Variants in ING1 observed in about 807,000 individuals in gnomAD.
The protein encoded by ING1 is inhibitor of growth protein 1.
A neutral mutation model predicts 23.1 loss-of-function variants in ING1; 4 were observed. The observed-to-expected ratio is 0.17, with a 90% CI of 0.09 to 0.40. ING1 has a LOEUF of 0.40. Ranked by LOEUF, ING1 falls within the 10% of genes least tolerant of loss-of-function variation. The pLI is 1.00. For missense variants in ING1, 256 were observed against 393.8 expected, an observed-to-expected ratio of 0.65 and a Z score of 2.96; for synonymous variants, 179 against 166.4, an observed-to-expected ratio of 1.08 and a Z score of -0.58.
chr13:110,720,004 G>C lies in ING1; in HGVS notation c.*72G>C, dbSNP rs2064158921. 1 of 1,059,526 alleles carries C rather than the reference G, an allele frequency of 9.4e-7. No homozygotes were observed. The highest frequency in any genetic ancestry group is 1.4e-6 in the Non-Finnish European group (1 of 740,230). The allele number at this position is 1,059,526 out of a possible 1,614,324, so 65.6% of individuals were successfully genotyped here. ...TTTATTACATTGCTGCCTTTGTTGA[G>C]GTGCAAGGAGTGTAAAATGTATATT... On this transcript the variant is annotated 3_prime_UTR_variant, in exon 2 of 2. Transcript: ENST00000333219.
Position 110,719,957 on chromosome 13 carries a change from G to A in ING1, c.*25G>A. 3 of 1,528,354 alleles carry A rather than the reference G, an allele frequency of 2.0e-6. No homozygotes were observed. The South Asian group carries it at 3.6e-5, about 18-fold the overall frequency. 94.7% of individuals were successfully genotyped at this position (1,528,354 alleles called of 1,614,324 possible). ...GTTTGTGGACAGGCGCCTGGTGTGAGGAGGACAAAATAAACCGTGTATTTA... is the reference window on the plus strand; with the variant it reads ...GTTTGTGGACAGGCGCCTGGTGTGAAGAGGACAAAATAAACCGTGTATTTA... On this transcript the variant is annotated 3_prime_UTR_variant, in exon 2 of 2. Coordinates refer to ENST00000333219, the MANE Select transcript of ING1 (RefSeq NM_198219.3). The surrounding 1 kb of genome is among the most constrained non-coding windows in gnomAD (Gnocchi z 8.9).
intron 1 of ING1, among the ~76,000 whole-genome samples, chr13:110,718,686 G>T (rs1447926101): frequency 6.6e-6 from 1 of 151,582 alleles, no homozygotes. Context: ...AGAAAATAAA[G>T]ACCTTTTTTA....
rs1373760782 is a variant in ING1 at position 110,722,786 on chromosome 13, T to C, written c.*2854T>C. On this transcript the variant is annotated 3_prime_UTR_variant, in exon 2 of 2. Coordinates refer to ENST00000333219, the MANE Select transcript of ING1 (RefSeq NM_198219.3). ...GATACAATACAGAGTCGTGTTGGAC[T>C]GGCAGTCTTAAATCACTCTTGTTAT... 4 of 152,140 alleles carry C rather than the reference T, an allele frequency of 2.6e-5. No individual in the cohort carries two copies. The highest frequency in any genetic ancestry group is 9.7e-5 in the African/African-American group (4 of 41,424). The allele number at this position is 152,140 out of a possible 1,614,324, so 9.4% of individuals were successfully genotyped here. A position where few individuals can be genotyped will look rare whatever the true frequency, so the allele number is the denominator to read the frequency against.
Position 110,713,792 on chromosome 13 carries a change from T to G in ING1, c.-358T>G, listed in dbSNP as rs2139963759. The G allele has an allele frequency of 1.2e-5, 12 of 984,462 alleles. No homozygotes were observed. Among genetic ancestry groups the G allele is most frequent in the Non-Finnish European group, 1.4e-5 (12 of 829,452 alleles). 61.0% of individuals were successfully genotyped at this position (984,462 alleles called of 1,614,324 possible). ...CGCTCCTCTCTTCTACCCAGCCCAG[T>G]GGGCGAGTGGGCAGCGGCGGCCGCG... is the stretch of plus-strand genomic sequence containing the variant. On this transcript the variant is annotated 5_prime_UTR_variant, in exon 1 of 2. Transcript: ENST00000333219.
Position 110,719,914 on chromosome 13 carries a change from G to A in ING1, c.822G>A (p.Glu274=), listed in dbSNP as rs908523705. 3.7e-6 allele frequency: 6 copies of A among 1,607,252 alleles called. No homozygotes were observed. Among genetic ancestry groups the A allele is most frequent in the Non-Finnish European group, 5.1e-6 (6 of 1,178,144 alleles). Residue 274 remains glutamate, a synonymous_variant, in exon 2 of 2, where the codon GAG becomes GAA. Transcript: ENST00000333219. The surrounding 1 kb of genome is among the most constrained non-coding windows in gnomAD (Gnocchi z 8.9). ...AAGCCCTGGAGAAATCCAAAAAAGA[G>A]AGGGCTTACAACAGGTAGTTTGTGG... ...MDKALEKSKK[E]RAYNR is the part of the protein sequence containing the mutation.
chr13:110,722,235 A>G lies in ING1; in HGVS notation c.*2303A>G, dbSNP rs960241969. On this transcript the variant is annotated 3_prime_UTR_variant, in exon 2 of 2. Transcript: ENST00000333219. ...TTATTTTCCCACAAAACTCCAGAAC[A>G]TTTAAGAGTCTCGGGTGTTTAAATT... 1.9e-4 allele frequency: 29 copies of G among 152,230 alleles called. No homozygotes were observed. The highest frequency in any genetic ancestry group is 7.0e-4 in the African/African-American group (29 of 41,462). The allele number at this position is 152,230 out of a possible 1,614,324, so 9.4% of individuals were successfully genotyped here.
Position 110,723,168 on chromosome 13 carries a change from AG to A in ING1, c.*3238del, listed in dbSNP as rs1188193568. 1 of 152,226 alleles carries A rather than the reference AG, an allele frequency of 6.6e-6. No individual in the cohort carries two copies. Among genetic ancestry groups the A allele is most frequent in the Non-Finnish European group, 1.5e-5 (1 of 68,042 alleles). 9.4% of individuals were successfully genotyped at this position (152,226 alleles called of 1,614,324 possible). A position where few individuals can be genotyped will look rare whatever the true frequency, so the allele number is the denominator to read the frequency against. On this transcript the variant is annotated 3_prime_UTR_variant, in exon 2 of 2. Coordinates refer to ENST00000333219, the MANE Select transcript of ING1 (RefSeq NM_198219.3). Reference sequence around the variant, plus strand: ...ATGGTGTTCCTGGGACAGGCTCCCCAGGTGCTGAGAGAGGTGCTGCAGGAGT... The same window carrying A: ...ATGGTGTTCCTGGGACAGGCTCCCCAGTGCTGAGAGAGGTGCTGCAGGAGT...
chr13:110,715,326 C>G (rs934350078), intron 1 of ING1: 1 of 1,442,976 alleles, frequency 6.9e-7, no homozygotes, highest in South Asian at 1.5e-5. Flanking sequence ...CTAGACGCCT[C>G]TGCCGGGAAG....
intron 1 of ING1, among the ~76,000 whole-genome samples, chr13:110,718,228 A>T (rs533094591): frequency 6.6e-6 from 1 of 152,384 alleles, no homozygotes; most frequent in South Asian, 2.1e-4. Flanking sequence ...TTCGCTTTAA[A>T]GCAAGGCTAG....
intron 1 of ING1, chr13:110,714,858 C>A: frequency 2.0e-6 from 1 of 496,346 alleles, no homozygotes; most frequent in Non-Finnish European, 2.6e-6. Flanking sequence ...CAGCCCCCTC[C>A]GGCCCTCACT....
rs780654550 is a variant in ING1 at position 110,719,471 on chromosome 13, G to A, written c.379G>A (p.Gly127Ser). Residue 127 changes from glycine (G) to serine (S), a missense_variant, in exon 2 of 2, where the codon GGC becomes AGC. Physicochemically the swap from Gly to Ser is moderately conservative, Grantham distance 56 (BLOSUM62 0). Transcript: ENST00000333219. The surrounding 1 kb of genome is among the most constrained non-coding windows in gnomAD (Gnocchi z 8.9). ...GCTGGGCGACACAGCGGGCAACAGC[G>A]GCAAGGCTGGCGCGGACAGGCCCAA... is the stretch of plus-strand genomic sequence containing the variant. Reference protein sequence around the residue: ...QELGDTAGNSGKAGADRPKGE... With the variant: ...QELGDTAGNSSKAGADRPKGE... 3.5e-5 allele frequency: 57 copies of A among 1,612,670 alleles called. No individual in the cohort carries two copies. The highest frequency in any genetic ancestry group is 4.5e-5 in the Non-Finnish European group (53 of 1,179,536).
At position 110,719,542 on chromosome 13, in the gene ING1, A is replaced by G. The variant is rs1189240246; in HGVS notation, c.450A>G (p.Ser150=). ...AQADKPNSKR[S]RRQRNNENRE... ...CTGACAAGCCCAACAGCAAGCGCTC[A>G]CGGCGGCAGCGCAACAACGAGAACC... Residue 150 remains serine (S), a synonymous_variant, in exon 2 of 2, where the codon TCA becomes TCG. Transcript: ENST00000333219. This position sits in a 1 kb window ranked among gnomAD's most constrained non-coding sequence, Gnocchi z 8.9. 2.5e-6 allele frequency: 4 copies of G among 1,610,342 alleles called. No homozygotes were observed. The highest frequency in any genetic ancestry group is 1.1e-5 in the South Asian group (1 of 90,890).
At chr13:110,716,345 T>C (rs2064123361) in intron 1 of ING1, among the ~76,000 whole-genome samples, 2 of 152,110 alleles carry the variant, frequency 1.3e-5, no homozygotes, top group Non-Finnish European at 2.9e-5. Flanking sequence ...CCGGGAGTAC[T>C]GGAGCGGCGC....
At chr13:110,713,206 G>C (rs2139961906), upstream of ING1, 5 of 1,421,998 alleles carry the variant, frequency 3.5e-6, no homozygotes, top group Non-Finnish European at 4.6e-6. Context: ...TGGCTACTGC[G>C]GTTGCCAGTT....
In ING1 at chr13:110,719,187, G is replaced by A. The variant is rs1208759478; in HGVS notation, c.137-42G>A. 9 of 1,596,770 alleles carry A rather than the reference G, an allele frequency of 5.6e-6. No homozygotes were observed. The highest frequency in any genetic ancestry group is 7.7e-6 in the Non-Finnish European group (9 of 1,168,110). ...CGTCCGGGGCCGTGTGGGTTGTCCC[G>A]GTGTCCTGCTCGCGAGTGACGCCTG... is the stretch of plus-strand genomic sequence containing the variant. On this transcript the variant is annotated intron_variant, in intron 1 of 1. Transcript: ENST00000333219. This position sits in a 1 kb window ranked among gnomAD's most constrained non-coding sequence, Gnocchi z 8.9.
At chr13:110,713,441 G>T (rs1220807046), upstream of ING1, 1 of 995,858 alleles carries the variant, frequency 1.0e-6, no homozygotes, top group East Asian at 1.1e-4. Flanking sequence ...AAAACTCCTA[G>T]TAAAGTTTGC....
rs2064174797 is a variant in ING1, at chr13:110,721,945, G to A, written c.*2013G>A. 1 of 152,202 alleles carries A rather than the reference G, an allele frequency of 6.6e-6. No homozygotes were observed. The highest frequency in any genetic ancestry group is 1.5e-5 in the Non-Finnish European group (1 of 68,048). The allele number at this position is 152,202 out of a possible 1,614,324, so 9.4% of individuals were successfully genotyped here. The stretch of plus-strand genomic sequence containing the variant: ...CCATGATCTGTTTCACAGTCTCTGT[G>A]AAGCTACCTACCACAAAGAAGTAGT... On this transcript the variant is annotated 3_prime_UTR_variant, in exon 2 of 2. Transcript: ENST00000333219.
At chr13:110,714,546 T>C (rs1380476442) in intron 1 of ING1, among the ~76,000 whole-genome samples, 1 of 139,242 alleles carries the variant, frequency 7.2e-6, no homozygotes, top group Non-Finnish European at 1.5e-5. Context: ...CTCTTTGTAG[T>C]GAAGTGATGA....
upstream of ING1, chr13:110,713,098 T>G (rs1215464746): frequency 7.0e-7 from 1 of 1,437,994 alleles, no homozygotes; most frequent in South Asian, 1.4e-5. Context: ...CCGGAGGACT[T>G]GGGTTTCTAG....
Sources: allele counts gnomAD v4.1 joint callset (sites outside exome capture counted in the v4.1 genomes callset), GRCh38; gene constraint gnomAD v4.1.1; non-coding constraint Gnocchi (gnomAD v3.1); transcripts MANE v1.5; gene names NCBI Gene and HGNC (gene_info 2026-07-23, HGNC 2026-07-21).